Variants in RTTN observed in about 807,000 individuals in gnomAD.
RTTN encodes rotatin.
In RTTN, 182 loss-of-function variants were observed where a neutral mutation model predicts 269.2. The observed-to-expected ratio is 0.68, with a 90% CI of 0.60 to 0.76. The LOEUF (loss-of-function observed/expected upper bound fraction) is 0.76. Ranked by LOEUF, RTTN falls within the 30% of genes least tolerant of loss-of-function variation. The pLI is 0.00. For missense variants in RTTN, 2,545 were observed against 2,608.6 expected, an observed-to-expected ratio of 0.98 and a Z score of 0.53; for synonymous variants, 1,006 against 963.5, an observed-to-expected ratio of 1.04 and a Z score of -0.82.
At chr18:70,124,467 A>C (rs190735594) in intron 25 of RTTN, among the ~76,000 whole-genome samples, 1 of 152,264 alleles carries the variant, frequency 6.6e-6, no homozygotes, top group African/African-American at 2.4e-5. Flanking sequence ...CATACATCAC[A>C]GAGTAAGAAG....
Position 70,201,911 on chromosome 18 carries a change from A to C in RTTN, c.470T>G (p.Val157Gly). The C allele has an allele frequency of 6.2e-7, 1 of 1,610,126 alleles. No individual in the cohort carries two copies. Among genetic ancestry groups the C allele is most frequent in the African/African-American group, 1.3e-5 (1 of 74,944 alleles). ...ATACACACCCACTGGTCGTGGCGGC[A>C]CTTCCATCTGCTGGAAATTACTTTT... is the stretch of plus-strand genomic sequence containing the variant. ...QDKSNFQQMEVPPRPVVNQTV... is the reference protein window; with the variant it reads ...QDKSNFQQMEGPPRPVVNQTV... The change falls in exon 4 of 49, where the codon GTG (valine) becomes GGG (glycine). Residue 157 changes from valine to glycine, a missense_variant. By Grantham distance (109) the Val-to-Gly change is moderately radical (BLOSUM62 -3). Transcript: ENST00000640769.
intron 46 of RTTN, among the ~76,000 whole-genome samples, chr18:70,011,409 TC>T (rs1399436976): frequency 6.6e-6 from 1 of 152,184 alleles, no homozygotes; most frequent in Non-Finnish European, 1.5e-5. Context: ...GTCCGTTTCA[TC>T]CCTGGGATGC....
At chr18:70,193,218 C>A in intron 8 of RTTN, 70 bp downstream of exon 8, 1 of 1,327,664 alleles carries the variant, frequency 7.5e-7, no homozygotes, top group Non-Finnish European at 1.0e-6. Flanking sequence ...TAATTATCTC[C>A]TTCTGAAATT....
At position 70,205,158 on chromosome 18, in the gene RTTN, C is replaced by T. The variant is rs751941000; in HGVS notation, c.189G>A (p.Glu63=). ...FNFPSVPMKE[E]VLNLLSRLVK... ...CCAATCTGCTTAACAGGTTCAGAAC[C>T]TCTTCCTTCATCGGAACGGACGGGA... is the stretch of plus-strand genomic sequence containing the variant. Residue 63 remains glutamate, a synonymous_variant, in exon 2 of 49, where the codon GAG becomes GAA. Coordinates refer to ENST00000640769, the MANE Select transcript of RTTN (RefSeq NM_173630.4). 1.9e-6 allele frequency: 3 copies of T among 1,614,102 alleles called. No homozygotes were observed. Among genetic ancestry groups the T allele is most frequent in the Admixed American group, 1.7e-5 (1 of 59,994 alleles).
At chr18:70,010,765 C>G (rs563079454) in intron 46 of RTTN, among the ~76,000 whole-genome samples, 1 of 150,210 alleles carries the variant, frequency 6.7e-6, no homozygotes, top group Non-Finnish European at 1.5e-5. Context: ...GAGAGAGACA[C>G]GAAAAACCCT....
intron 12 of RTTN, among the ~76,000 whole-genome samples, chr18:70,167,981 T>C (rs1471925810): frequency 2.0e-5 from 3 of 151,922 alleles, no homozygotes; most frequent in Non-Finnish European, 4.4e-5. Flanking sequence ...ACCTCATCTC[T>C]ACAAAACAAT....
At chr18:70,189,973 C>T (rs1006361917) in intron 9 of RTTN, among the ~76,000 whole-genome samples, 7 of 152,244 alleles carry the variant, frequency 4.6e-5, no homozygotes, top group African/African-American at 1.7e-4. Context: ...ATATTTGTGG[C>T]TTTTTTAAGA....
chr18:70,154,567 CT>C (rs2060624367), intron 14 of RTTN, among the ~76,000 whole-genome samples: 1 of 152,126 alleles, frequency 6.6e-6, no homozygotes, highest in Non-Finnish European at 1.5e-5. Flanking sequence ...TTCACTTGTT[CT>C]ACCTCTAAAA....
chr18:70,029,019 TCAAG>T (rs745778098), intron 42 of RTTN, among the ~76,000 whole-genome samples: 5 of 152,138 alleles, frequency 3.3e-5, no homozygotes, highest in Admixed American at 6.5e-5. Flanking sequence ...TTCTGTTCTA[TCAAG>T]CATGGAGGAA....
At chr18:70,132,485 A>G (rs1218820056) in intron 23 of RTTN, among the ~76,000 whole-genome samples, 1 of 152,066 alleles carries the variant, frequency 6.6e-6, no homozygotes, top group Non-Finnish European at 1.5e-5. Flanking sequence ...TATTAATAAT[A>G]AAATAACTAG....
chr18:70,004,827 C>T (rs1273380759), intron 48 of RTTN, among the ~76,000 whole-genome samples: 4 of 151,608 alleles, frequency 2.6e-5, no homozygotes, highest in Non-Finnish European at 4.4e-5. Context: ...ATAAGGGTAA[C>T]AGGATCAATT....
At chr18:70,046,236 G>A (rs1158131477) in intron 40 of RTTN, among the ~76,000 whole-genome samples, 1 of 152,132 alleles carries the variant, frequency 6.6e-6, no homozygotes, top group Non-Finnish European at 1.5e-5. Context: ...CCAGGTCCAG[G>A]AGGATTGGTT....
rs141165443 is a variant in RTTN at position 70,080,010 on chromosome 18, T to C, written c.4375-4469A>G. 3.3e-4 allele frequency among the ~76,000 whole-genome samples: 50 copies of C among 152,116 alleles called. 1 individual carries two copies. Among genetic ancestry groups the C allele is most frequent in the South Asian group, 2.7e-3 (13 of 4,824 alleles). On this transcript the variant is annotated intron_variant, in intron 32 of 48. Coordinates refer to ENST00000640769, the MANE Select transcript of RTTN (RefSeq NM_173630.4). ...CAAAGACTGTAAAAATGACCCTAAATACATTAGAAATCCAAAACTACATGT... is the reference window on the plus strand; with the variant it reads ...CAAAGACTGTAAAAATGACCCTAAACACATTAGAAATCCAAAACTACATGT...
At chr18:70,115,608 A>C (rs2059584653) in intron 26 of RTTN, among the ~76,000 whole-genome samples, 1 of 151,962 alleles carries the variant, frequency 6.6e-6, no homozygotes, top group Non-Finnish European at 1.5e-5. Flanking sequence ...ATGGGAACAT[A>C]GATTTATAAA....
intron 43 of RTTN, among the ~76,000 whole-genome samples, chr18:70,026,460 GCTC>G (rs1328509505): frequency 6.6e-6 from 1 of 152,006 alleles, no homozygotes; most frequent in Non-Finnish European, 1.5e-5. Context: ...TCTCACTCTT[GCTC>G]CAGTTCTAGT....
chr18:70,004,416 AAATC>A (rs909128994), intron 48 of RTTN, among the ~76,000 whole-genome samples, 180 bp from the exon 49 acceptor site: 1 of 152,172 alleles, frequency 6.6e-6, no homozygotes, highest in Non-Finnish European at 1.5e-5. Flanking sequence ...ACAAGTTACA[AAATC>A]AATATTTTTT....
chr18:70,050,565 A>G (rs149653037), intron 39 of RTTN, among the ~76,000 whole-genome samples: 1 of 152,314 alleles, frequency 6.6e-6, no homozygotes, highest in Non-Finnish European at 1.5e-5. Context: ...CAACAATCCC[A>G]TTACTGGGTA....
At chr18:70,156,736 G>A (rs759403345) in intron 14 of RTTN, among the ~76,000 whole-genome samples, 5 of 152,024 alleles carry the variant, frequency 3.3e-5, no homozygotes, top group African/African-American at 7.2e-5. Flanking sequence ...CAACCCAGCC[G>A]ACACTTAGGG....
chr18:70,075,211 C>CT (rs2058395332), intron 33 of RTTN, 141 bp downstream of exon 33: 3 of 565,668 alleles, frequency 5.3e-6, no homozygotes, highest in Non-Finnish European at 8.9e-6. Context: ...GAAAATACAT[C>CT]TCTCTGGGTG....
Sources: gnomAD v4.1 joint callset for allele counts (sites outside exome capture counted in the v4.1 genomes callset) on GRCh38, gnomAD v4.1.1 for gene constraint, MANE v1.5 for transcripts, NCBI Gene and HGNC (gene_info 2026-07-23, HGNC 2026-07-21) for gene names.